Variants in NINL observed in about 807,000 individuals in gnomAD.
The protein encoded by NINL is ninein-like protein.
In NINL, 153 loss-of-function variants were observed where a neutral mutation model predicts 160.3. The observed-to-expected ratio is 0.95, with a 90% CI of 0.84 to 1.09. The LOEUF (loss-of-function observed/expected upper bound fraction) is 1.09, where lower values mean the gene tolerates loss of function less well. Ranked by LOEUF, NINL falls within the 50% of genes least tolerant of loss-of-function variation. NINL has a pLI of 0.00. For missense variants in NINL, 1,829 were observed against 1,764.0 expected, an observed-to-expected ratio of 1.04 and a Z score of -0.66; for synonymous variants, 800 against 734.8, an observed-to-expected ratio of 1.09 and a Z score of -1.43.
chr20:25,467,601 C>G, intron 18 of NINL, 143 bp from the exon 19 acceptor site: 1 of 676,242 alleles, frequency 1.5e-6, no homozygotes, highest in Non-Finnish European at 2.7e-6. Flanking sequence ...TTCTCCAGCC[C>G]CTCTCAGTCC....
chr20:25,453,092 G>A lies in NINL; in HGVS notation c.*359C>T, dbSNP rs753972461. On this transcript the variant is annotated 3_prime_UTR_variant, in exon 24 of 24. Transcript: ENST00000278886. ...GAGCCCTGACTTTACATTTCACTCT[G>A]ACAGCCAGGGTCGGAAGCACCACAT... 1 of 175,180 alleles carries A rather than the reference G, an allele frequency of 5.7e-6. No homozygotes were observed. The highest frequency in any genetic ancestry group is 2.4e-5 in the African/African-American group (1 of 42,340). 10.9% of individuals were successfully genotyped at this position (175,180 alleles called of 1,614,324 possible).
chr20:25,567,655 A>G (rs1161113034), intron 1 of NINL, among the ~76,000 whole-genome samples: 3 of 152,186 alleles, frequency 2.0e-5, no homozygotes, highest in African/African-American at 7.2e-5. Context: ...CCATGAAGCC[A>G]AGAAAAAGAT....
At chr20:25,533,542 A>G (rs145746660) in intron 1 of NINL, among the ~76,000 whole-genome samples, 2 of 152,346 alleles carry the variant, frequency 1.3e-5, no homozygotes, top group East Asian at 3.9e-4. Flanking sequence ...TTAAAAATCA[A>G]TTCCATACAG....
rs558001355 is a variant in NINL at position 25,526,452 on chromosome 20, G to A, written c.136C>T (p.Pro46Ser). ...CLKLHLEQQL[P>S]VLLQTLLGND... is the part of the protein sequence containing the mutation. ...CCGAGAAGCGTCTGCAGGAGGACGG[G>A]CAGCTGCTGCTCCAGGTGAAGCTTA... Residue 46 changes from proline to serine, a missense_variant, in exon 2 of 24, where the codon CCC becomes TCC. Physicochemically the swap from Pro to Ser is moderately conservative, Grantham distance 74. Coordinates refer to ENST00000278886, the MANE Select transcript of NINL (RefSeq NM_025176.6). The A allele has an allele frequency of 1.9e-6, 3 of 1,613,976 alleles. No homozygotes were observed. Among genetic ancestry groups the A allele is most frequent in the African/African-American group, 2.7e-5 (2 of 75,054 alleles).
At chr20:25,494,273 C>T (rs1249126149) in intron 10 of NINL, among the ~76,000 whole-genome samples, 3 of 149,864 alleles carry the variant, frequency 2.0e-5, no homozygotes, top group Admixed American at 1.3e-4. Context: ...CCTCTAGTCC[C>T]GGAACACTCA....
At chr20:25,545,373 C>T (rs1447764180) in intron 1 of NINL, among the ~76,000 whole-genome samples, 3 of 152,092 alleles carry the variant, frequency 2.0e-5, no homozygotes, top group East Asian at 3.9e-4. Context: ...ATCAGTGTGG[C>T]GTTTCAGGAG....
At chr20:25,459,752 C>G (rs1447860953) in intron 21 of NINL, among the ~76,000 whole-genome samples, 1 of 152,184 alleles carries the variant, frequency 6.6e-6, no homozygotes, top group African/African-American at 2.4e-5. Flanking sequence ...CAGGGTCCAG[C>G]CCAAGGGGGA....
intron 1 of NINL, among the ~76,000 whole-genome samples, chr20:25,582,683 GA>G (rs1236135530): frequency 1.3e-5 from 2 of 152,138 alleles, no homozygotes; most frequent in African/African-American, 4.8e-5. Flanking sequence ...GGACAAGCAT[GA>G]AAGTAGACTG....
At chr20:25,494,733 C>T (rs1308192440) in intron 10 of NINL, among the ~76,000 whole-genome samples, 1 of 152,178 alleles carries the variant, frequency 6.6e-6, no homozygotes, top group Non-Finnish European at 1.5e-5. Context: ...TCCGTGGAAA[C>T]CCTGAGGACA....
intron 19 of NINL, among the ~76,000 whole-genome samples, chr20:25,463,702 G>A (rs2062844916): frequency 6.6e-6 from 1 of 152,186 alleles, no homozygotes; most frequent in African/African-American, 2.4e-5. Flanking sequence ...AATCGACCAC[G>A]CACACGTCAC....
chr20:25,557,797 G>A (rs1386915999), intron 1 of NINL, among the ~76,000 whole-genome samples: 1 of 152,004 alleles, frequency 6.6e-6, no homozygotes, highest in Non-Finnish European at 1.5e-5. Flanking sequence ...AAGTAAAGAG[G>A]TAGATGATCT....
intron 1 of NINL, among the ~76,000 whole-genome samples, chr20:25,558,789 G>A (rs60594438): frequency 1.9e-4 from 29 of 152,220 alleles, no homozygotes; most frequent in Non-Finnish European, 3.8e-4. Flanking sequence ...CAGAGGCACA[G>A]AGTACCTGAT....
intron 17 of NINL, among the ~76,000 whole-genome samples, chr20:25,473,675 T>TACAC (rs56359105): frequency 0.029 from 4,006 of 137,902 alleles, 63 homozygotes; most frequent in Admixed American, 0.042. Context: ...AATACACACA[T>TACAC]ACACACACAC....
chr20:25,571,093 ATAAG>A (rs1020762372), intron 1 of NINL, among the ~76,000 whole-genome samples: 3 of 152,110 alleles, frequency 2.0e-5, no homozygotes, highest in Non-Finnish European at 4.4e-5. Context: ...TCACTCATTA[ATAAG>A]TAAGCCCCGA....
At chr20:25,481,754 C>A in intron 14 of NINL, 1 of 668,310 alleles carries the variant, frequency 1.5e-6, no homozygotes, top group East Asian at 2.8e-5. Context: ...CTTCAGCGTC[C>A]CTTCCTCCTC....
Position 25,512,829 on chromosome 20 carries a change from C to T in NINL, c.450+5G>A, listed in dbSNP as rs2064096280. 6.2e-7 allele frequency: 1 copy of T among 1,605,082 alleles called. No homozygotes were observed. ...CAGCTGGGGTGGGAGAGGGGCCTGA[C>T]CCACCTCCACGCTCTCCAGAGACGC... is the stretch of plus-strand genomic sequence containing the variant. On this transcript the variant is annotated splice_donor_5th_base_variant and intron_variant, in intron 4 of 23. Coordinates refer to ENST00000278886, the MANE Select transcript of NINL (RefSeq NM_025176.6).
intron 1 of NINL, among the ~76,000 whole-genome samples, chr20:25,545,516 G>A (rs983908995): frequency 6.6e-6 from 1 of 151,914 alleles, no homozygotes; most frequent in Non-Finnish European, 1.5e-5. Context: ...TCTCAGCCAA[G>A]GGCATTCCAA....
chr20:25,537,932 G>A (rs935133211), intron 1 of NINL, among the ~76,000 whole-genome samples: 4 of 152,104 alleles, frequency 2.6e-5, no homozygotes, highest in African/African-American at 7.2e-5. Flanking sequence ...CTTGCTGCTC[G>A]GTCTCTCTCC....
Position 25,550,568 on chromosome 20 carries a change from T to C in NINL, c.-11-23970A>G, listed in dbSNP as rs1401205181. ...CGGTGAGGGGGATGTGGCAGGACTA[T>C]AGGGTAATGGCAGGGAGAGGGTCAG... On this transcript the variant is annotated intron_variant, in intron 1 of 23. Coordinates refer to ENST00000278886, the MANE Select transcript of NINL (RefSeq NM_025176.6). 3.3e-5 allele frequency among the ~76,000 whole-genome samples: 5 copies of C among 151,724 alleles called. No homozygotes were observed. The South Asian group carries it at 8.3e-4, about 25-fold the overall frequency.
Sources: gnomAD v4.1 joint callset for allele counts (sites outside exome capture counted in the v4.1 genomes callset) on GRCh38, gnomAD v4.1.1 for gene constraint, MANE v1.5 for transcripts, NCBI Gene and HGNC (gene_info 2026-07-23, HGNC 2026-07-21) for gene names.